The following RECK variants were observed in gnomAD, a reference collection of about 807,000 sequenced individuals.
The protein encoded by RECK is reversion inducing cysteine rich protein with kazal motifs, also known as reversion-inducing cysteine-rich protein with Kazal motifs.
A neutral mutation model predicts 115.1 loss-of-function variants in RECK; 69 were observed. The ratio of observed to expected loss-of-function variants is 0.60; its 90% CI spans 0.49 to 0.73. RECK has a LOEUF of 0.73. Ranked by LOEUF, RECK falls within the 30% of genes least tolerant of loss-of-function variation. The pLI, the probability that RECK is intolerant of heterozygous loss-of-function variation, is 0.00. For synonymous variants in RECK, 414 were observed against 419.7 expected, an observed-to-expected ratio of 0.99 and a Z score of 0.17; for missense variants, 1,047 against 1,203.7, an observed-to-expected ratio of 0.87 and a Z score of 1.93.
At position 36,107,922 on chromosome 9, in the gene RECK, A is replaced by G. The variant is rs1019377471; in HGVS notation, c.1577-54A>G. On this transcript the variant is annotated intron_variant, in intron 13 of 20. Transcript: ENST00000377966. ...TTATCAAGTGTATATCTAATGTTAT[A>G]AAACAATGTCATAGAACAGTACCAT... The G allele has an allele frequency of 8.5e-6, 11 of 1,297,340 alleles. No homozygotes were observed. The East Asian group carries it at 1.2e-4, about 14-fold the overall frequency. 80.4% of individuals were successfully genotyped at this position (1,297,340 alleles called of 1,614,324 possible).
At chr9:36,049,932 C>T (rs1319933148) in intron 1 of RECK, among the ~76,000 whole-genome samples, 1 of 152,198 alleles carries the variant, frequency 6.6e-6, no homozygotes, top group African/African-American at 2.4e-5. Context: ...TACTTGATAG[C>T]AGTATCTAAC....
At chr9:36,046,540 C>G (rs1821078462) in intron 1 of RECK, among the ~76,000 whole-genome samples, 2 of 152,054 alleles carry the variant, frequency 1.3e-5, no homozygotes, top group South Asian at 2.1e-4. Context: ...AGCAGAGGTC[C>G]CCTGTCCTGT....
intron 1 of RECK, 78 bp downstream of exon 1, chr9:36,037,176 G>C (rs1224470799): frequency 9.6e-7 from 1 of 1,042,096 alleles, no homozygotes; most frequent in African/African-American, 1.7e-5. Context: ...CGGGGCAGGG[G>C]GCGGGGGTGC....
rs775570123 is a variant in RECK at position 36,052,271 on chromosome 9, T to G, written c.107T>G (p.Leu36Trp). ...GGLAPGSAGA[L>W]CCNHSKDNQM... The stretch of plus-strand genomic sequence containing the variant: ...GTTTATTTTTTCTCCCTAGGTGCAT[T>G]GTGTTGTAATCATTCAAAGGATAAC... Residue 36 changes from leucine to tryptophan, a missense_variant, in exon 2 of 21, where the codon TTG (leucine) becomes TGG (tryptophan). Coordinates refer to ENST00000377966, the MANE Select transcript of RECK (RefSeq NM_021111.3). 1 of 1,604,072 alleles carries G rather than the reference T, an allele frequency of 6.2e-7. No homozygotes were observed. The highest frequency in any genetic ancestry group is 2.2e-5 in the East Asian group (1 of 44,800).
intron 1 of RECK, among the ~76,000 whole-genome samples, chr9:36,042,642 C>T (rs928062429): frequency 6.6e-5 from 10 of 151,892 alleles, no homozygotes; most frequent in African/African-American, 1.9e-4. Context: ...TATAAGCATG[C>T]GTGTGCAAGT....
chr9:36,091,465 T>A, intron 10 of RECK, 122 bp downstream of exon 10: 1 of 784,828 alleles, frequency 1.3e-6, no homozygotes, highest in Non-Finnish European at 1.9e-6. Context: ...TATGATTTAA[T>A]CTTTAAATGC....
At position 36,102,075 on chromosome 9, in the gene RECK, C is replaced by A. The variant is rs74372001; in HGVS notation, c.1299-19C>A. Reference sequence around the variant, plus strand: ...GGAGGTTCCTCAAGCTCTAAACTTACGTGCATTTTTTTTTCAAGATCAGAT... The same window carrying A: ...GGAGGTTCCTCAAGCTCTAAACTTAAGTGCATTTTTTTTTCAAGATCAGAT... On this transcript the variant is annotated intron_variant, in intron 11 of 20. Transcript: ENST00000377966. 3.1e-6 allele frequency: 5 copies of A among 1,606,418 alleles called. No homozygotes were observed. The highest frequency in any genetic ancestry group is 4.2e-6 in the Non-Finnish European group (5 of 1,177,164).
At chr9:36,090,297 T>C (rs1056984526) in intron 9 of RECK, among the ~76,000 whole-genome samples, 1 of 152,212 alleles carries the variant, frequency 6.6e-6, no homozygotes, top group Admixed American at 6.6e-5. Flanking sequence ...TTGTCTGTTT[T>C]ATTCACCATT....
chr9:36,114,964 G>A (rs2132670209), intron 16 of RECK, among the ~76,000 whole-genome samples: 1 of 152,116 alleles, frequency 6.6e-6, no homozygotes, highest in South Asian at 2.1e-4. Context: ...ATTTTTCACT[G>A]TATACCATGT....
intron 16 of RECK, among the ~76,000 whole-genome samples, chr9:36,113,715 C>T (rs13283904): frequency 0.088 from 13,393 of 152,098 alleles, 688 homozygotes; most frequent in Non-Finnish European, 0.098. Flanking sequence ...ACAGAGAAAG[C>T]GCTGATGTCC....
chr9:36,102,015 C>T (rs28478288), intron 11 of RECK, 79 bp from the exon 12 acceptor site: 1 of 1,369,370 alleles, frequency 7.3e-7, no homozygotes, highest in South Asian at 1.4e-5. Flanking sequence ...TTCTGGAAAG[C>T]TTCAGAAACA....
chr9:36,039,296 A>G (rs891853569), intron 1 of RECK, among the ~76,000 whole-genome samples: 2 of 152,218 alleles, frequency 1.3e-5, no homozygotes, highest in African/African-American at 2.4e-5. Flanking sequence ...TCCACTGTGA[A>G]TTGTAGAAAG....
intron 10 of RECK, among the ~76,000 whole-genome samples, chr9:36,098,704 C>T (rs1161810645): frequency 6.6e-6 from 1 of 152,132 alleles, no homozygotes; most frequent in Non-Finnish European, 1.5e-5. Flanking sequence ...GGAACCAAAA[C>T]ATCTATCAGG....
At chr9:36,099,313 A>C (rs897844171) in intron 10 of RECK, among the ~76,000 whole-genome samples, 1 of 152,218 alleles carries the variant, frequency 6.6e-6, no homozygotes, top group Non-Finnish European at 1.5e-5. Context: ...ATACAACAAC[A>C]GATTGAATGC....
In RECK at chr9:36,123,790, A is replaced by G. The variant is rs1824545843; in HGVS notation, c.*745A>G. 6.6e-6 allele frequency: 1 copy of G among 152,330 alleles called. No homozygotes were observed. The highest frequency in any genetic ancestry group is 1.5e-5 in the Non-Finnish European group (1 of 68,042). 9.4% of individuals were successfully genotyped at this position (152,330 alleles called of 1,614,324 possible). A position where few individuals can be genotyped will look rare whatever the true frequency, so the allele number is the denominator to read the frequency against. ...ATTATGCAATTTTTATATTAACCAG[A>G]TATATATTCATCGGTATTCATCCAA... On this transcript the variant is annotated 3_prime_UTR_variant, in exon 21 of 21. Coordinates refer to ENST00000377966, the MANE Select transcript of RECK (RefSeq NM_021111.3).
chr9:36,071,746 T>TA (rs1008441359), intron 6 of RECK, among the ~76,000 whole-genome samples: 1 of 152,178 alleles, frequency 6.6e-6, no homozygotes, highest in African/African-American at 2.4e-5. Context: ...TTAAGGCAGT[T>TA]AAGTTTTAAA....
chr9:36,062,157 C>T (rs1300133066), intron 4 of RECK, among the ~76,000 whole-genome samples: 1 of 135,548 alleles, frequency 7.4e-6, no homozygotes, highest in Admixed American at 7.7e-5. Context: ...CTTGCATCTC[C>T]TACTTTTTTT....
intron 10 of RECK, among the ~76,000 whole-genome samples, chr9:36,098,341 T>C (rs1353121368): frequency 1.3e-5 from 2 of 152,228 alleles, no homozygotes; most frequent in Non-Finnish European, 2.9e-5. Flanking sequence ...ATAATTTTTG[T>C]CCATTTAAAA....
chr9:36,113,251 T>C (rs139828345), intron 16 of RECK, among the ~76,000 whole-genome samples: 1 of 152,270 alleles, frequency 6.6e-6, no homozygotes, highest in East Asian at 1.9e-4. Context: ...ACCTGAACAA[T>C]ACACATTCCA....
Sources: gnomAD v4.1 joint callset for allele counts (sites outside exome capture counted in the v4.1 genomes callset) on GRCh38, gnomAD v4.1.1 for gene constraint, MANE v1.5 for transcripts, NCBI Gene and HGNC (gene_info 2026-07-23, HGNC 2026-07-21) for gene names.